The following CD5 variants were observed in gnomAD, a reference collection of about 807,000 sequenced individuals.
The protein encoded by CD5 is CD5 molecule.
Under a neutral mutation model 60.3 loss-of-function variants are expected in CD5, and 36 were observed. The observed-to-expected ratio is 0.60, with a 90% CI of 0.46 to 0.79. CD5 has a LOEUF of 0.79. CD5 is among the 30% of genes least tolerant of loss of function. The pLI, the probability that CD5 is intolerant of heterozygous loss-of-function variation, is 0.00. For synonymous variants in CD5, 230 were observed against 257.6 expected (o/e 0.89, Z 1.03); for missense variants, 540 against 630.6 (o/e 0.86, Z 1.54).
At position 61,115,146 on chromosome 11, in the gene CD5, G is replaced by C. The variant is rs551367361; in HGVS notation, c.94+52G>C. ...CCTGGGGCAGGGGGAGAGTGGGGCT[G>C]TGGTTTCATCAGGCCATCGGGGACC... is the stretch of plus-strand genomic sequence containing the variant. On this transcript the variant is annotated intron_variant, in intron 2 of 10. Coordinates refer to ENST00000347785, the MANE Select transcript of CD5 (RefSeq NM_014207.4). The C allele has an allele frequency of 1.1e-4, 168 of 1,511,804 alleles. 1 individual carries two copies. The South Asian group carries it at 1.8e-3, about 16-fold the overall frequency. The allele number at this position is 1,511,804 out of a possible 1,614,324, so 93.6% of individuals were successfully genotyped here. A position where few individuals can be genotyped will look rare whatever the true frequency, so the allele number is the denominator to read the frequency against.
chr11:61,094,448 G>T, the CD5 span, among the ~76,000 whole-genome samples: 2 of 152,112 alleles, frequency 1.3e-5, no homozygotes, highest in Non-Finnish European at 2.9e-5. Flanking sequence ...GACAGGACTG[G>T]TCTTGGGAAC....
upstream of CD5, among the ~76,000 whole-genome samples, chr11:61,101,489 G>A (rs909501616): frequency 7.1e-6 from 1 of 140,296 alleles, no homozygotes; most frequent in Non-Finnish European, 1.5e-5. Flanking sequence ...ATATCAAATG[G>A]GGATTACACA....
chr11:61,118,091 G>A lies in CD5; in HGVS notation c.95-84G>A. ...CCACGGGGCAGGAGGGAGCTCAACT[G>A]GGCGTCCTAGGGAGAGGGCAGTGAG... is the stretch of plus-strand genomic sequence containing the variant. On this transcript the variant is annotated intron_variant, in intron 2 of 10. Coordinates refer to ENST00000347785, the MANE Select transcript of CD5 (RefSeq NM_014207.4). The surrounding 1 kb of genome is among the most constrained non-coding windows in gnomAD (Gnocchi z 4.7). 1 of 1,422,936 alleles carries A rather than the reference G, an allele frequency of 7.0e-7. No homozygotes were observed. The highest frequency in any genetic ancestry group is 9.7e-7 in the Non-Finnish European group (1 of 1,033,664). The allele number at this position is 1,422,936 out of a possible 1,614,324, so 88.1% of individuals were successfully genotyped here. A position where few individuals can be genotyped will look rare whatever the true frequency, so the allele number is the denominator to read the frequency against.
At chr11:61,101,562 A>T (rs1860687399), upstream of CD5, among the ~76,000 whole-genome samples, 4 of 151,750 alleles carry the variant, frequency 2.6e-5, no homozygotes, top group Admixed American at 2.6e-4. Context: ...CAACATGGAG[A>T]TCATACACAC....
chr11:61,096,448 C>T, the CD5 span, among the ~76,000 whole-genome samples: 567 of 152,264 alleles, frequency 3.7e-3, 2 homozygotes, highest in Middle Eastern at 0.014. Context: ...GTGACCACCC[C>T]GGTCACCCCC....
chr11:61,119,249 A>G lies in CD5; in HGVS notation c.479A>G (p.Gln160Arg), dbSNP rs772635564. Residue 160 changes from glutamine to arginine, a missense_variant, in exon 5 of 11, where the codon CAG (glutamine) becomes CGG (arginine). Gln to Arg is a conservative substitution (Grantham distance 43). Coordinates refer to ENST00000347785, the MANE Select transcript of CD5 (RefSeq NM_014207.4). ...TPEPTAPPRL[Q>R]LVAQSGGQHC... Reference sequence around the variant, plus strand: ...CCTCTCCTAGCTCCTCCCAGGCTGCAGCTGGTGGCACAGTCTGGCGGCCAG... The same window carrying G: ...CCTCTCCTAGCTCCTCCCAGGCTGCGGCTGGTGGCACAGTCTGGCGGCCAG... The G allele has an allele frequency of 1.9e-6, 3 of 1,602,768 alleles. No homozygotes were observed. The highest frequency in any genetic ancestry group is 2.6e-6 in the Non-Finnish European group (3 of 1,173,488).
chr11:61,105,142 A>T (rs2134592776), intron 1 of CD5, among the ~76,000 whole-genome samples: 1 of 152,370 alleles, frequency 6.6e-6, no homozygotes, highest in East Asian at 1.9e-4. Flanking sequence ...TGAGGCATGA[A>T]GATGCCCCCA....
chr11:61,117,088 A>C (rs1328647589), intron 2 of CD5, among the ~76,000 whole-genome samples: 2 of 152,258 alleles, frequency 1.3e-5, no homozygotes, highest in Non-Finnish European at 2.9e-5. Context: ...AACAAATCAA[A>C]TGGTGAATGG....
intron 8 of CD5, 79 bp downstream of exon 8, chr11:61,124,016 C>A: frequency 8.8e-7 from 1 of 1,141,868 alleles, no homozygotes; most frequent in Non-Finnish European, 1.3e-6. Context: ...TCTCTGCTGA[C>A]CACAGACGGA....
In CD5 at chr11:61,118,132, A is replaced by AC. The variant is rs752659874; in HGVS notation, c.95-39dup. 11 of 1,582,092 alleles carry AC rather than the reference A, an allele frequency of 7.0e-6. No individual in the cohort carries two copies. The highest frequency in any genetic ancestry group is 2.0e-4 in the Middle Eastern group (1 of 5,048). On this transcript the variant is annotated intron_variant, in intron 2 of 10. Coordinates refer to ENST00000347785, the MANE Select transcript of CD5 (RefSeq NM_014207.4). The surrounding 1 kb of genome is among the most constrained non-coding windows in gnomAD (Gnocchi z 4.7). Reference sequence around the variant, plus strand: ...GGGCAGTGAGGGGTGCCAGTGGGGAACCCCTCCCAGCCTGACCCCCACCAC... The same window carrying AC: ...GGGCAGTGAGGGGTGCCAGTGGGGAACCCCCTCCCAGCCTGACCCCCACCAC...
intron 7 of CD5, 72 bp from the exon 8 acceptor site, chr11:61,123,812 T>TAC: frequency 5.6e-5 from 19 of 339,928 alleles, no homozygotes; most frequent in Non-Finnish European, 7.1e-5. Flanking sequence ...CCCAGCCCCA[T>TAC]CCCCACCCCT....
intron 4 of CD5, 59 bp from the exon 5 acceptor site, chr11:61,119,175 G>A: frequency 6.8e-7 from 1 of 1,466,422 alleles, no homozygotes; most frequent in Non-Finnish European, 9.2e-7. Flanking sequence ...ACAGCAAGGA[G>A]TGCCCAGGAA....
chr11:61,096,704 G>A, the CD5 span, among the ~76,000 whole-genome samples: 5 of 152,132 alleles, frequency 3.3e-5, no homozygotes, highest in Non-Finnish European at 7.4e-5. Flanking sequence ...TGGCCCTTAC[G>A]GTCCCCCGGG....
intron 1 of CD5, among the ~76,000 whole-genome samples, 180 bp downstream of exon 1, chr11:61,102,795 T>C (rs907836334): frequency 6.6e-6 from 1 of 152,190 alleles, no homozygotes; most frequent in Admixed American, 6.5e-5. Flanking sequence ...TGGCCCTCTG[T>C]CCTGCATGTC....
At chr11:61,101,749 TTA>T (rs1491256463), upstream of CD5, among the ~76,000 whole-genome samples, 2 of 138,564 alleles carry the variant, frequency 1.4e-5, no homozygotes, top group African/African-American at 5.6e-5. Context: ...AACATGGAGA[TTA>T]CACACACATC....
In CD5 at chr11:61,125,821, T is replaced by C. The variant is rs780851910; in HGVS notation, c.1470T>C (p.His490=). Residue 490 remains histidine (H), a synonymous_variant, in exon 10 of 11, where the codon CAT becomes CAC. Coordinates refer to ENST00000347785, the MANE Select transcript of CD5 (RefSeq NM_014207.4). Reference sequence around the variant, plus strand: ...CCTCCGACAGTGACTATGATCTGCATGGGGCTCAGAGGCTGTAAAGGTGAG... The same window carrying C: ...CCTCCGACAGTGACTATGATCTGCACGGGGCTCAGAGGCTGTAAAGGTGAG... The part of the protein sequence containing the change: ...DNSSDSDYDL[H]GAQRL The C allele has an allele frequency of 6.2e-6, 10 of 1,611,652 alleles. No individual in the cohort carries two copies. The highest frequency in any genetic ancestry group is 5.0e-5 in the Admixed American group (3 of 59,874).
chr11:61,105,869 A>G (rs918981777), intron 1 of CD5, among the ~76,000 whole-genome samples: 7 of 152,290 alleles, frequency 4.6e-5, no homozygotes, highest in Non-Finnish European at 8.8e-5. Flanking sequence ...TCATGCCTGT[A>G]ATCCCAGCAC....
chr11:61,123,812 T>TTCCCCC, intron 7 of CD5, 72 bp from the exon 8 acceptor site: 6 of 339,972 alleles, frequency 1.8e-5, no homozygotes, highest in African/African-American at 5.7e-5. Flanking sequence ...CCCAGCCCCA[T>TTCCCCC]CCCCACCCCT....
chr11:61,097,600 G>C (rs1360891515), upstream of CD5, among the ~76,000 whole-genome samples: 1 of 152,170 alleles, frequency 6.6e-6, no homozygotes, highest in African/African-American at 2.4e-5. Flanking sequence ...CCTGACCACT[G>C]GGCAGGTAGT....
Sources: allele counts gnomAD v4.1 joint callset (sites outside exome capture counted in the v4.1 genomes callset), GRCh38; gene constraint gnomAD v4.1.1; non-coding constraint Gnocchi (gnomAD v3.1); transcripts MANE v1.5; gene names NCBI Gene and HGNC (gene_info 2026-07-23, HGNC 2026-07-21).